The following CSMD3 variants were observed in gnomAD, a reference collection of about 807,000 sequenced individuals.
CSMD3 encodes the protein CUB and sushi domain-containing protein 3.
CSMD3 carries 177 observed loss-of-function variants against 435.2 expected under a neutral mutation model. That is an observed-to-expected ratio of 0.41 (90% CI 0.36 to 0.46). The LOEUF (loss-of-function observed/expected upper bound fraction) is 0.46, where lower values mean the gene tolerates loss of function less well. Among genes scored for constraint, CSMD3 ranks in the 20% least tolerant of loss-of-function variants. The pLI is 0.34. For synonymous variants in CSMD3, 1,656 were observed against 1,520.5 expected (o/e 1.09, Z -2.07); for missense variants, 4,265 against 4,504.6 (o/e 0.95, Z 1.52).
intron 38 of CSMD3, among the ~76,000 whole-genome samples, chr8:112,375,509 TTC>T (rs747503556): frequency 3.3e-5 from 5 of 152,126 alleles, no homozygotes; most frequent in Non-Finnish European, 5.9e-5. Context: ...CAATTCTCTG[TTC>T]TAAAAGGCAA....
intron 15 of CSMD3, among the ~76,000 whole-genome samples, chr8:112,683,487 G>A (rs1003442176): frequency 6.6e-6 from 1 of 151,926 alleles, no homozygotes. Flanking sequence ...TACCTTGTTT[G>A]TCTCACAGTT....
intron 13 of CSMD3, among the ~76,000 whole-genome samples, chr8:112,767,208 A>G (rs996857962): frequency 6.6e-6 from 1 of 151,890 alleles, no homozygotes; most frequent in Admixed American, 6.6e-5. Flanking sequence ...TTGAGTTTAC[A>G]AAGATTTACA....
intron 4 of CSMD3, among the ~76,000 whole-genome samples, chr8:113,143,707 T>A (rs1252318199): frequency 2.0e-5 from 3 of 151,400 alleles, no homozygotes; most frequent in Non-Finnish European, 4.4e-5. Context: ...CCCAAAAAAT[T>A]ACATACTTTG....
At chr8:112,458,286 A>G (rs1273624624) in intron 32 of CSMD3, among the ~76,000 whole-genome samples, 3 of 136,662 alleles carry the variant, frequency 2.2e-5, no homozygotes, top group African/African-American at 7.6e-5. Flanking sequence ...TAGCATCCTT[A>G]GAGAAAATAA....
At position 112,517,068 on chromosome 8, in the gene CSMD3, C is replaced by A. The variant is rs1274336973; in HGVS notation, c.4722G>T (p.Arg1574=). 6.2e-7 allele frequency: 1 copy of A among 1,613,694 alleles called. No individual in the cohort carries two copies. The highest frequency in any genetic ancestry group is 8.5e-7 in the Non-Finnish European group (1 of 1,179,858). Reference sequence around the variant, plus strand: ...CTGGTGGGCTGGGCTGCCAGAAGTACCGATTTTCTACCTGAATGCAGGTTA... The same window carrying A: ...CTGGTGGGCTGGGCTGCCAGAAGTAACGATTTTCTACCTGAATGCAGGTTA... ...ERITCIQVEN[R]YFWQPSPPVC... Residue 1574 remains arginine (R), a synonymous_variant, in exon 28 of 71, where the codon CGG becomes CGT. Transcript: ENST00000297405.
At chr8:112,497,651 T>G (rs753019476) in intron 30 of CSMD3, among the ~76,000 whole-genome samples, 4 of 152,042 alleles carry the variant, frequency 2.6e-5, no homozygotes, top group Admixed American at 2.0e-4. Flanking sequence ...TTTTACTATC[T>G]AGGGCCTCAA....
chr8:112,305,032 A>G (rs925075997), intron 51 of CSMD3, 117 bp from the exon 52 acceptor site: 3 of 768,992 alleles, frequency 3.9e-6, no homozygotes, highest in African/African-American at 3.4e-5. Flanking sequence ...AAGGTCCTTT[A>G]GCATTTGTTC....
At chr8:112,324,017 GATA>G (rs1017374003) in intron 45 of CSMD3, among the ~76,000 whole-genome samples, 1 of 152,052 alleles carries the variant, frequency 6.6e-6, no homozygotes, top group African/African-American at 2.4e-5. Context: ...CCGATTTATA[GATA>G]AATAAACCTC....
intron 22 of CSMD3, among the ~76,000 whole-genome samples, chr8:112,625,461 TTA>T (rs1353903465): frequency 6.6e-6 from 1 of 152,118 alleles, no homozygotes; most frequent in African/African-American, 2.4e-5. Flanking sequence ...GATTCAAGTT[TTA>T]TATGATATGA....
intron 13 of CSMD3, among the ~76,000 whole-genome samples, chr8:112,744,547 T>G (rs1270957961): frequency 6.6e-6 from 1 of 152,082 alleles, no homozygotes; most frequent in Non-Finnish European, 1.5e-5. Flanking sequence ...ATAAATTGTA[T>G]GACAGTAAGT....
At chr8:112,266,421 A>G (rs1209553877) in intron 59 of CSMD3, among the ~76,000 whole-genome samples, 1 of 152,220 alleles carries the variant, frequency 6.6e-6, no homozygotes, top group Non-Finnish European at 1.5e-5. Context: ...ACAAGAAAGA[A>G]GGCAACAAGG....
intron 22 of CSMD3, among the ~76,000 whole-genome samples, chr8:112,636,576 CTATCTATCTAATT>C (rs1435673796): frequency 9.9e-6 from 1 of 101,194 alleles, no homozygotes; most frequent in African/African-American, 4.1e-5. Context: ...ATCTATCTAT[CTATCTATCTAATT>C]TGTTTCTTAT....
intron 38 of CSMD3, among the ~76,000 whole-genome samples, chr8:112,360,136 A>T (rs973791183): frequency 2.0e-5 from 3 of 152,032 alleles, no homozygotes; most frequent in African/African-American, 7.2e-5. Flanking sequence ...GTACAATTTT[A>T]GTTTCTTGGG....
At chr8:112,506,944 AT>A in intron 28 of CSMD3, 115 bp from the exon 29 acceptor site, 1 of 856,368 alleles carries the variant, frequency 1.2e-6, no homozygotes, top group South Asian at 1.5e-5. Context: ...ACAGACCTGA[AT>A]TTTATAGTAC....
chr8:112,392,314 CAAA>C (rs1200157495), intron 35 of CSMD3, among the ~76,000 whole-genome samples: 13 of 83,996 alleles, frequency 1.5e-4, no homozygotes, highest in African/African-American at 5.4e-4. Flanking sequence ...GGCAATTACT[CAAA>C]AAAAAAAAAA....
chr8:113,358,486 G>T (rs1305302786), intron 1 of CSMD3, among the ~76,000 whole-genome samples: 1 of 152,100 alleles, frequency 6.6e-6, no homozygotes, highest in African/African-American at 2.4e-5. Flanking sequence ...CCAAGTAGCT[G>T]GGATTACAGG....
At chr8:113,059,359 A>C (rs1288655878) in intron 5 of CSMD3, among the ~76,000 whole-genome samples, 1 of 152,108 alleles carries the variant, frequency 6.6e-6, no homozygotes, top group East Asian at 1.9e-4. Flanking sequence ...CTTCATTTGG[A>C]ATGATCCTTT....
At chr8:112,780,835 C>A (rs1427702427) in intron 13 of CSMD3, among the ~76,000 whole-genome samples, 2 of 151,854 alleles carry the variant, frequency 1.3e-5, no homozygotes, top group African/African-American at 4.8e-5. Context: ...ACTAGCCCTA[C>A]TACCATAGGC....
intron 5 of CSMD3, among the ~76,000 whole-genome samples, chr8:113,076,698 G>T (rs771176294): frequency 2.0e-5 from 3 of 151,936 alleles, no homozygotes; most frequent in Non-Finnish European, 4.4e-5. Flanking sequence ...GCTCATTAAA[G>T]CATATCCTCA....
Sources: gnomAD v4.1 joint callset for allele counts (sites outside exome capture counted in the v4.1 genomes callset) on GRCh38, gnomAD v4.1.1 for gene constraint, MANE v1.5 for transcripts, NCBI Gene and HGNC (gene_info 2026-07-23, HGNC 2026-07-21) for gene names.